FILIP1L: variants seen among roughly 807,000 people sequenced by gnomAD.
FILIP1L encodes filamin A-interacting protein 1-like.
In FILIP1L, 55 loss-of-function variants were observed where a neutral mutation model predicts 96.6. That is an observed-to-expected ratio of 0.57 (90% CI 0.46 to 0.71). The LOEUF (loss-of-function observed/expected upper bound fraction) is 0.71. FILIP1L is among the 30% of genes least tolerant of loss of function. FILIP1L has a pLI of 0.00. For synonymous variants in FILIP1L, 467 were observed against 473.9 expected, an observed-to-expected ratio of 0.99 and a Z score of 0.19; for missense variants, 1,304 against 1,321.2, an observed-to-expected ratio of 0.99 and a Z score of 0.20.
intron 1 of FILIP1L, among the ~76,000 whole-genome samples, chr3:99,933,239 A>C (rs1246310855): frequency 6.6e-6 from 1 of 152,212 alleles, no homozygotes; most frequent in Admixed American, 6.5e-5. Flanking sequence ...ACCTTGTCCG[A>C]AAAATGCCTA....
intron 1 of FILIP1L, among the ~76,000 whole-genome samples, chr3:100,095,536 T>C (rs756069332): frequency 5.5e-4 from 83 of 152,134 alleles, no homozygotes; most frequent in Non-Finnish European, 5.6e-4. Context: ...GTCTCTCCAA[T>C]AAATGGTGCT....
rs374235040 is a variant in FILIP1L at position 100,051,478 on chromosome 3, G to C, written c.-11+62575C>G. 1.5e-4 allele frequency among the ~76,000 whole-genome samples: 22 copies of C among 150,694 alleles called. No individual in the cohort carries two copies. In the East Asian group the frequency reaches 2.7e-3, roughly 19 times the overall value. ...TCATTAACTCGTCATTTAACATTAG[G>C]TATATCTCCTAATGCTAACCCTCCC... is the stretch of plus-strand genomic sequence containing the variant. On this transcript the variant is annotated intron_variant, in intron 1 of 5. Transcript: ENST00000477258.
intron 3 of FILIP1L, 31 bp from the exon 4 acceptor site, chr3:99,924,439 C>A: frequency 6.3e-7 from 1 of 1,592,082 alleles, no homozygotes; most frequent in Admixed American, 1.7e-5. Context: ...AGCCTGTTAC[C>A]AAATTGTTTA....
intron 1 of FILIP1L, among the ~76,000 whole-genome samples, chr3:100,030,216 C>T (rs961090817): frequency 6.6e-6 from 1 of 152,052 alleles, no homozygotes; most frequent in Non-Finnish European, 1.5e-5. Flanking sequence ...TTTCTCTACT[C>T]TTTTTGGGCA....
At chr3:100,097,156 C>T (rs745669432) in intron 1 of FILIP1L, among the ~76,000 whole-genome samples, 1 of 152,144 alleles carries the variant, frequency 6.6e-6, no homozygotes, top group Non-Finnish European at 1.5e-5. Context: ...CAGAACTGCA[C>T]ATGCGAGAGA....
chr3:100,048,917 A>G (rs1470942595), intron 1 of FILIP1L, among the ~76,000 whole-genome samples: 9 of 152,242 alleles, frequency 5.9e-5, no homozygotes, highest in Non-Finnish European at 8.8e-5. Context: ...TTGGACAGTT[A>G]TGGAAAAGCA....
intron 1 of FILIP1L, among the ~76,000 whole-genome samples, chr3:100,037,353 A>G (rs951081766): frequency 7.9e-5 from 12 of 152,314 alleles, no homozygotes; most frequent in Middle Eastern, 3.4e-3. Context: ...ATAACTGGTG[A>G]ATATGGGTGA....
intron 1 of FILIP1L, among the ~76,000 whole-genome samples, chr3:99,996,748 C>T (rs947214070): frequency 2.0e-5 from 3 of 151,934 alleles, no homozygotes; most frequent in Non-Finnish European, 4.4e-5. Flanking sequence ...CATCAGATCT[C>T]GTGAGACTTA....
intron 1 of FILIP1L, among the ~76,000 whole-genome samples, chr3:99,962,968 C>T (rs1159757818): frequency 6.6e-6 from 1 of 152,238 alleles, no homozygotes; most frequent in Non-Finnish European, 1.5e-5. Context: ...ATGTTACTCA[C>T]AGGCATTGCT....
intron 1 of FILIP1L, among the ~76,000 whole-genome samples, chr3:100,089,615 G>A (rs927234206): frequency 6.6e-6 from 1 of 152,092 alleles, no homozygotes. Context: ...TTCCCATTAT[G>A]GTTCTTTATA....
intron 4 of FILIP1L, among the ~76,000 whole-genome samples, chr3:99,902,533 G>A (rs1706470776): frequency 1.3e-5 from 2 of 152,126 alleles, no homozygotes; most frequent in South Asian, 4.1e-4. Context: ...TCATTCTGAG[G>A]AAATGGTGTG....
At chr3:99,876,621 G>A (rs1406177591) in intron 4 of FILIP1L, among the ~76,000 whole-genome samples, 7 of 152,258 alleles carry the variant, frequency 4.6e-5, no homozygotes, top group Admixed American at 4.6e-4. Context: ...GGGTTTTGTG[G>A]AGACATCTCT....
At chr3:100,064,323 A>G (rs1214381504) in intron 1 of FILIP1L, among the ~76,000 whole-genome samples, 1 of 152,110 alleles carries the variant, frequency 6.6e-6, no homozygotes. Context: ...TGTGTATCCT[A>G]AAGGACCAAT....
chr3:100,075,916 AGTTG>A (rs2065843138), intron 1 of FILIP1L, among the ~76,000 whole-genome samples: 1 of 152,206 alleles, frequency 6.6e-6, no homozygotes, highest in Non-Finnish European at 1.5e-5. Flanking sequence ...AGGAGAGCTG[AGTTG>A]GAGCCTAGAA....
intron 1 of FILIP1L, among the ~76,000 whole-genome samples, chr3:100,020,668 T>A (rs1409011957): frequency 6.6e-6 from 1 of 152,140 alleles, no homozygotes; most frequent in Non-Finnish European, 1.5e-5. Flanking sequence ...AAGTGTTTAT[T>A]TTTAGTGATT....
chr3:99,961,222 G>A (rs562906502), intron 1 of FILIP1L, among the ~76,000 whole-genome samples: 36 of 152,322 alleles, frequency 2.4e-4, no homozygotes, highest in Non-Finnish European at 4.9e-4. Flanking sequence ...TGCCCGAGGG[G>A]ATCCGGACTT....
chr3:99,970,267 C>G (rs1708774303), intron 1 of FILIP1L, among the ~76,000 whole-genome samples: 1 of 152,126 alleles, frequency 6.6e-6, no homozygotes, highest in African/African-American at 2.4e-5. Context: ...AGTTTCAGAC[C>G]CAGGCAGTCT....
intron 1 of FILIP1L, among the ~76,000 whole-genome samples, chr3:99,960,843 T>C (rs1044573220): frequency 2.0e-5 from 3 of 152,234 alleles, no homozygotes; most frequent in Non-Finnish European, 4.4e-5. Context: ...TTATATATTT[T>C]TGCGTTGTTA....
At chr3:100,098,609 G>T (rs2066253365) in intron 1 of FILIP1L, among the ~76,000 whole-genome samples, 1 of 152,168 alleles carries the variant, frequency 6.6e-6, no homozygotes, top group Admixed American at 6.5e-5. Flanking sequence ...ATGCAAGGAA[G>T]TTATTTTTGT....
Sources: allele counts gnomAD v4.1 joint callset (sites outside exome capture counted in the v4.1 genomes callset), GRCh38; gene constraint gnomAD v4.1.1; transcripts MANE v1.5; gene names NCBI Gene and HGNC (gene_info 2026-07-23, HGNC 2026-07-21).